The following RNF145 variants were observed in gnomAD, a reference collection of about 807,000 sequenced individuals.
The protein encoded by RNF145 is ring finger protein 145.
A neutral mutation model predicts 57.3 loss-of-function variants in RNF145; 12 were observed. The observed-to-expected ratio is 0.21, with a 90% CI of 0.13 to 0.34. The LOEUF (loss-of-function observed/expected upper bound fraction) is 0.34, where lower values mean the gene tolerates loss of function less well. RNF145 is among the 10% of genes least tolerant of loss of function. The pLI, the probability that RNF145 is intolerant of heterozygous loss-of-function variation, is 1.00. For synonymous variants in RNF145, 262 were observed against 288.3 expected (o/e 0.91, Z 0.92); for missense variants, 429 against 799.0 (o/e 0.54, Z 5.58).
upstream of RNF145, chr5:159,209,681 T>C (rs1031342207): frequency 2.1e-6 from 2 of 951,150 alleles, no homozygotes; most frequent in African/African-American, 1.7e-5. Flanking sequence ...CCGCCTCCGG[T>C]GCGTGGGCGG....
rs948337940 is a variant in RNF145 at position 159,158,776 on chromosome 5, T to C, written c.1886A>G (p.Asn629Ser). The change falls in exon 11 of 11, where the codon AAT becomes AGT. Residue 629 changes from asparagine to serine, a missense_variant. This residue lies in a region of RNF145 where 102 missense variants were observed against 106.2 expected (regional missense o/e 0.96). Transcript: ENST00000424310. ...TGGTCGTCTGGCAATGTACTCATTA[T>C]TGTCCCTGGAACCTTCCTGTATCCT... ...GTRIQEGSRD[N>S]NEYIARRPDN... is the part of the protein sequence containing the mutation. 10 of 1,613,890 alleles carry C rather than the reference T, an allele frequency of 6.2e-6. No homozygotes were observed. Among genetic ancestry groups the C allele is most frequent in the Admixed American group, 3.3e-5 (2 of 60,000 alleles).
Position 159,193,391 on chromosome 5 carries a change from G to A in RNF145, c.293+1325C>T, listed in dbSNP as rs1191744703. Among the ~76,000 whole-genome samples the A allele has an allele frequency of 2.0e-5, 3 of 152,228 alleles. No homozygotes were observed. In the East Asian group the frequency reaches 5.8e-4, roughly 29 times the overall value. On this transcript the variant is annotated intron_variant, in intron 3 of 10. Transcript: ENST00000424310. ...TTGAGCATAGAAAATCAACCAGGAAGGAATAAAGGAGGAAAATGCAAGAAG... is the reference window on the plus strand; with the variant it reads ...TTGAGCATAGAAAATCAACCAGGAAAGAATAAAGGAGGAAAATGCAAGAAG...
chr5:159,161,222 A>T, intron 10 of RNF145, 44 bp downstream of exon 10: 2 of 1,252,464 alleles, frequency 1.6e-6, no homozygotes, highest in Non-Finnish European at 1.1e-6. Context: ...CCCAAGGGAT[A>T]CACTGTATGA....
At chr5:159,188,635 A>AT (rs1189353259) in intron 3 of RNF145, among the ~76,000 whole-genome samples, 1 of 152,214 alleles carries the variant, frequency 6.6e-6, no homozygotes, top group African/African-American at 2.4e-5. Context: ...AATTTTAAAA[A>AT]TTTTAAACTG....
intron 4 of RNF145, among the ~76,000 whole-genome samples, chr5:159,179,672 C>CT (rs1484203235): frequency 6.6e-6 from 1 of 152,050 alleles, no homozygotes; most frequent in Non-Finnish European, 1.5e-5. Context: ...ACTTTACAAG[C>CT]TTTCTAACTT....
intron 10 of RNF145, 28 bp from the exon 11 acceptor site, chr5:159,159,063 A>C: frequency 1.3e-6 from 2 of 1,577,354 alleles, no homozygotes; most frequent in Non-Finnish European, 1.7e-6. Flanking sequence ...AAGATACCTT[A>C]TAAATGTCTG....
chr5:159,186,957 T>C (rs1785084354), intron 3 of RNF145, among the ~76,000 whole-genome samples: 1 of 151,766 alleles, frequency 6.6e-6, no homozygotes, highest in East Asian at 1.9e-4. Context: ...CACTCCAGCC[T>C]GGGCAACAGA....
chr5:159,175,663 A>T (rs1433098104), intron 5 of RNF145, among the ~76,000 whole-genome samples: 1 of 152,140 alleles, frequency 6.6e-6, no homozygotes, highest in Non-Finnish European at 1.5e-5. Flanking sequence ...TTTCTGGAAG[A>T]TCTACTCCTG....
chr5:159,173,463 G>A (rs1334745752), intron 6 of RNF145, among the ~76,000 whole-genome samples: 1 of 152,130 alleles, frequency 6.6e-6, no homozygotes, highest in Non-Finnish European at 1.5e-5. Context: ...GTAAGTCACA[G>A]GCTTCGAACT....
At chr5:159,160,697 T>C (rs1784186943) in intron 10 of RNF145, among the ~76,000 whole-genome samples, 1 of 152,242 alleles carries the variant, frequency 6.6e-6, no homozygotes, top group Non-Finnish European at 1.5e-5. Context: ...TCAGGCTCTT[T>C]ATGGTGCATG....
chr5:159,166,165 C>T (rs1368805967), intron 8 of RNF145, among the ~76,000 whole-genome samples: 1 of 152,184 alleles, frequency 6.6e-6, no homozygotes, highest in Non-Finnish European at 1.5e-5. Context: ...GTAGCCTTCA[C>T]ATTTCCCTTA....
intron 8 of RNF145, among the ~76,000 whole-genome samples, chr5:159,163,905 T>TA (rs1249393138): frequency 2.6e-5 from 4 of 152,166 alleles, no homozygotes; most frequent in Non-Finnish European, 5.9e-5. Flanking sequence ...CTAAACCCTT[T>TA]AGGCTAGTTC....
Position 159,209,377 on chromosome 5 carries a change from C to T in RNF145, c.-186G>A, listed in dbSNP as rs897760483. 1.0e-5 allele frequency: 10 copies of T among 985,938 alleles called. No homozygotes were observed. Among genetic ancestry groups the T allele is most frequent in the African/African-American group, 1.7e-5 (1 of 57,178 alleles). The allele number at this position is 985,938 out of a possible 1,614,324, so 61.1% of individuals were successfully genotyped here. A position where few individuals can be genotyped will look rare whatever the true frequency, so the allele number is the denominator to read the frequency against. Reference sequence around the variant, plus strand: ...GCTCACAGCGGCGGCTCTTCTGCGCCGAGCCTCGGATGTTGCTTCTGGGGA... The same window carrying T: ...GCTCACAGCGGCGGCTCTTCTGCGCTGAGCCTCGGATGTTGCTTCTGGGGA... On this transcript the variant is annotated 5_prime_UTR_variant, in exon 1 of 11. Transcript: ENST00000424310.
At chr5:159,203,328 A>G (rs1785737918) in intron 2 of RNF145, 106 bp downstream of exon 2, 1 of 744,884 alleles carries the variant, frequency 1.3e-6, no homozygotes, top group Non-Finnish European at 2.3e-6. Context: ...CTATATCACT[A>G]TCATCTTAAT....
At chr5:159,191,305 C>T (rs533665168) in intron 3 of RNF145, among the ~76,000 whole-genome samples, 14 of 152,214 alleles carry the variant, frequency 9.2e-5, no homozygotes, top group Admixed American at 3.9e-4. Context: ...ACTAACCATG[C>T]TGCCTACCTA....
chr5:159,192,108 C>G lies in RNF145; in HGVS notation c.293+2608G>C, dbSNP rs111273023. Among the ~76,000 whole-genome samples the G allele has an allele frequency of 1.6e-3, 243 of 150,200 alleles. 1 individual carries two copies. Among genetic ancestry groups the G allele is most frequent in the African/African-American group, 5.6e-3 (229 of 41,088 alleles). ...TGTACAGACTTTTTTTGTCATTTTT[C>G]CCTGAAGAATATAGTATAAAAACTA... On this transcript the variant is annotated intron_variant, in intron 3 of 10. Transcript: ENST00000424310.
At chr5:159,197,129 A>C (rs1395152904) in intron 2 of RNF145, among the ~76,000 whole-genome samples, 1 of 152,254 alleles carries the variant, frequency 6.6e-6, no homozygotes, top group Non-Finnish European at 1.5e-5. Flanking sequence ...TAATAAATGA[A>C]CATTGGAAGG....
chr5:159,157,828 TACACCC>T lies in RNF145; in HGVS notation c.*836_*841del, dbSNP rs1217199709. 1.2e-4 allele frequency: 18 copies of T among 152,900 alleles called. No homozygotes were observed. Among genetic ancestry groups the T allele is most frequent in the African/African-American group, 4.3e-4 (18 of 41,578 alleles). 9.5% of individuals were successfully genotyped at this position (152,900 alleles called of 1,614,324 possible). A position where few individuals can be genotyped will look rare whatever the true frequency, so the allele number is the denominator to read the frequency against. The stretch of plus-strand genomic sequence containing the variant: ...TTAAACATTACACAGGATTGAAAAG[TACACCC>T]AGGGCCTCTATCAGTGCCCTAAAGC... On this transcript the variant is annotated 3_prime_UTR_variant, in exon 11 of 11. Transcript: ENST00000424310.
At chr5:159,170,601 C>T (rs533048863) in intron 6 of RNF145, among the ~76,000 whole-genome samples, 3 of 152,078 alleles carry the variant, frequency 2.0e-5, no homozygotes, top group South Asian at 2.1e-4. Flanking sequence ...CTTATATATA[C>T]GTATATTTAT....
Sources: allele counts gnomAD v4.1 joint callset (sites outside exome capture counted in the v4.1 genomes callset), GRCh38; gene constraint gnomAD v4.1.1; regional missense constraint gnomAD v4.1.1; transcripts MANE v1.5; gene names NCBI Gene and HGNC (gene_info 2026-07-23, HGNC 2026-07-21).